Variants in SPDL1 observed in about 807,000 individuals in gnomAD.
SPDL1 encodes protein Spindly.
A neutral mutation model predicts 79.5 loss-of-function variants in SPDL1; 85 were observed. The ratio of observed to expected loss-of-function variants is 1.07; its 90% confidence interval spans 0.90 to 1.28. SPDL1 has a LOEUF of 1.28. Among genes scored for constraint, SPDL1 ranks in the 50% most tolerant of loss-of-function variants. The pLI, the probability that SPDL1 is intolerant of heterozygous loss-of-function variation, is 0.00. For synonymous variants in SPDL1, 269 were observed against 240.3 expected (o/e 1.12, Z -1.10); for missense variants, 703 against 697.8 (o/e 1.01, Z -0.08).
chr5:169,598,700 A>G, intron 9 of SPDL1, 121 bp downstream of exon 9: 15 of 1,017,782 alleles, frequency 1.5e-5, no homozygotes, highest in Non-Finnish European at 1.5e-5. Flanking sequence ...AAAGGTAACA[A>G]AAATATCTTT....
At chr5:169,585,874 A>C (rs1754962202) in intron 1 of SPDL1, 1 of 152,220 alleles carries the variant, frequency 6.6e-6, no homozygotes, top group Admixed American at 6.5e-5. Context: ...ATCTAAACTC[A>C]TATACTTTGC....
Position 169,588,546 on chromosome 5 carries a change from T to C in SPDL1, c.130T>C (p.Cys44Arg). ...QNELQNQLDK[C>R]RNEMMTMTES... The stretch of plus-strand genomic sequence containing the variant: ...TGAATTACAGAATCAATTGGATAAA[T>C]GTCGTAATGAAATGATGACCATGAC... Residue 44 changes from cysteine (C) to arginine (R), a missense_variant, in exon 2 of 12, where the codon TGT (cysteine) becomes CGT (arginine). Transcript: ENST00000265295. 6.2e-7 allele frequency: 1 copy of C among 1,613,346 alleles called. No individual in the cohort carries two copies. Among genetic ancestry groups the C allele is most frequent in the East Asian group, 2.2e-5 (1 of 44,860 alleles).
intron 2 of SPDL1, chr5:169,590,676 A>C: frequency 2.2e-6 from 1 of 457,280 alleles, no homozygotes; most frequent in South Asian, 1.5e-5. Context: ...CAGAGCTACA[A>C]GTAGAGCATC....
chr5:169,592,354 A>C (rs1755336056), intron 3 of SPDL1, among the ~76,000 whole-genome samples: 1 of 149,812 alleles, frequency 6.7e-6, no homozygotes, highest in South Asian at 2.1e-4. Context: ...AGTGGCTGGG[A>C]TTACAGGTGT....
rs1353348006 is a variant in SPDL1 at position 169,604,093 on chromosome 5, TAAAG to T, written c.1707_1710del (p.Gly571LysfsTer58). On this transcript the variant is annotated frameshift_variant, in exon 12 of 12. Coordinates refer to ENST00000265295, the MANE Select transcript of SPDL1 (RefSeq NM_017785.5). LOFTEE classifies it high-confidence loss of function. ...CTGAATCAAAGCTTCAAACAGAAGT[TAAAG>T]AAGGAAAAGAAACTTCAAGCAAATT... is the stretch of plus-strand genomic sequence containing the variant. The T allele has an allele frequency of 3.1e-6, 5 of 1,612,864 alleles. No individual in the cohort carries two copies. Among genetic ancestry groups the T allele is most frequent in the African/African-American group, 2.7e-5 (2 of 74,768 alleles).
At chr5:169,603,876 G>A (rs1042351984) in intron 11 of SPDL1, among the ~76,000 whole-genome samples, 184 bp from the exon 12 acceptor site, 1 of 152,076 alleles carries the variant, frequency 6.6e-6, no homozygotes, top group Admixed American at 6.5e-5. Flanking sequence ...AACAATAATT[G>A]AGCCTATTGA....
chr5:169,599,255 C>T, intron 10 of SPDL1, 96 bp downstream of exon 10: 1 of 1,047,044 alleles, frequency 9.6e-7, no homozygotes, highest in Non-Finnish European at 1.3e-6. Flanking sequence ...AACTCTATTA[C>T]AAACTCATTT....
In SPDL1 at chr5:169,593,345, T is replaced by TG. The variant is rs746015140; in HGVS notation, c.337-7dup. 1 of 1,560,394 alleles carries TG rather than the reference T, an allele frequency of 6.4e-7. No homozygotes were observed. ...TTTCAATTTATGACTTTTTTTTTTT[T>TG]GGCTTTAGATAGAAAAACTGAAAGT... On this transcript the variant is annotated splice_polypyrimidine_tract_variant and intron_variant, in intron 3 of 11. Coordinates refer to ENST00000265295, the MANE Select transcript of SPDL1 (RefSeq NM_017785.5).
Position 169,591,200 on chromosome 5 carries a change from G to A in SPDL1, c.312G>A (p.Gln104=), listed in dbSNP as rs1166710299. The part of the protein sequence containing the change: ...LEEQLSRSHG[Q]EVNELKTKIE... ...AACAACTAAGCAGAAGCCATGGACA[G>A]GAAGTGAATGAACTAAAAACTAAGG... The change falls in exon 3 of 12, where the codon CAG becomes CAA. Residue 104 remains glutamine (Q), a synonymous_variant. Transcript: ENST00000265295. 6.2e-7 allele frequency: 1 copy of A among 1,613,320 alleles called. No homozygotes were observed. Among genetic ancestry groups the A allele is most frequent in the South Asian group, 1.1e-5 (1 of 90,878 alleles).
chr5:169,594,512 C>G lies in SPDL1; in HGVS notation c.780+20C>G. 6.2e-7 allele frequency: 1 copy of G among 1,611,628 alleles called. No individual in the cohort carries two copies. The highest frequency in any genetic ancestry group is 8.5e-7 in the Non-Finnish European group (1 of 1,177,820). The stretch of plus-strand genomic sequence containing the variant: ...GCAGAGGTACTTATAAGTATCCTAA[C>G]TACTAAATTGGTATTTTCATTTACT... On this transcript the variant is annotated intron_variant, in intron 6 of 11. Transcript: ENST00000265295.
intron 1 of SPDL1, 57 bp from the exon 2 acceptor site, chr5:169,588,337 A>T (rs1408185823): frequency 8.3e-7 from 1 of 1,202,116 alleles, no homozygotes; most frequent in African/African-American, 1.5e-5. Context: ...TGTTATTGAT[A>T]TTATTGCATG....
rs758143100 is a variant in SPDL1, at chr5:169,596,717, A to G, written c.1032+16A>G. On this transcript the variant is annotated intron_variant, in intron 8 of 11. Coordinates refer to ENST00000265295, the MANE Select transcript of SPDL1 (RefSeq NM_017785.5). ...GAAATTTAAGGTATGTATAACAGTT[A>G]AAAAAACACACATCCAAATTTTGAT... 4 of 1,544,214 alleles carry G rather than the reference A, an allele frequency of 2.6e-6. No individual in the cohort carries two copies. Among genetic ancestry groups the G allele is most frequent in the African/African-American group, 2.9e-5 (2 of 70,120 alleles).
intron 1 of SPDL1, chr5:169,587,203 A>T (rs1755031227): frequency 6.6e-6 from 1 of 152,088 alleles, no homozygotes; most frequent in African/African-American, 2.4e-5. Flanking sequence ...TGTAAGTTTC[A>T]TGAGGGAGGA....
At chr5:169,603,220 T>A (rs1346414704) in intron 11 of SPDL1, among the ~76,000 whole-genome samples, 2 of 152,200 alleles carry the variant, frequency 1.3e-5, no homozygotes, top group Admixed American at 1.3e-4. Flanking sequence ...GAACAATAAA[T>A]ATGGCTTTTA....
At chr5:169,588,259 A>G in intron 1 of SPDL1, 135 bp from the exon 2 acceptor site, 1 of 557,336 alleles carries the variant, frequency 1.8e-6, no homozygotes, top group Non-Finnish European at 3.0e-6. Context: ...AAATTTGACT[A>G]CTTATTAGTC....
chr5:169,589,587 C>A (rs553339619), intron 2 of SPDL1, among the ~76,000 whole-genome samples: 7 of 151,838 alleles, frequency 4.6e-5, no homozygotes, highest in Admixed American at 1.3e-4. Context: ...TTGTTTACCC[C>A]TCACTGCTCT....
rs373694176 is a variant in SPDL1 at position 169,588,467 on chromosome 5, A to C, written c.51A>C (p.Glu17Asp). 5 of 1,613,952 alleles carry C rather than the reference A, an allele frequency of 3.1e-6. No individual in the cohort carries two copies. In the African/African-American group the frequency reaches 5.3e-5, roughly 17 times the overall value. The change falls in exon 2 of 12, where the codon GAA (glutamate) becomes GAC (aspartate). Residue 17 changes from glutamate to aspartate, a missense_variant. Physicochemically the swap from Glu to Asp is conservative, Grantham distance 45. Coordinates refer to ENST00000265295, the MANE Select transcript of SPDL1 (RefSeq NM_017785.5). ...TNLRCRLKEA[E>D]EERLKAAQYG... ...TTCGATGCAGGCTCAAAGAGGCTGA[A>C]GAAGAGCGACTAAAAGCTGCACAGT...
chr5:169,597,418 A>G lies in SPDL1; in HGVS notation c.1032+717A>G, dbSNP rs566801268. 3.3e-5 allele frequency among the ~76,000 whole-genome samples: 5 copies of G among 152,138 alleles called. 1 individual carries two copies. Among genetic ancestry groups the G allele is most frequent in the Admixed American group, 2.6e-4 (4 of 15,274 alleles). On this transcript the variant is annotated intron_variant, in intron 8 of 11. Coordinates refer to ENST00000265295, the MANE Select transcript of SPDL1 (RefSeq NM_017785.5). ...GAGTCTGTTTCTAAATTTTCTGTCT[A>G]CGCCATTGGTCTGCTTCTCTGTGTG...
intron 2 of SPDL1, among the ~76,000 whole-genome samples, chr5:169,589,037 A>G (rs1755135205): frequency 6.6e-6 from 1 of 152,154 alleles, no homozygotes; most frequent in African/African-American, 2.4e-5. Context: ...TAGCTTATTT[A>G]GTAAATATAA....
Sources: gnomAD v4.1 joint callset for allele counts (sites outside exome capture counted in the v4.1 genomes callset) on GRCh38, gnomAD v4.1.1 for gene constraint, MANE v1.5 for transcripts, NCBI Gene and HGNC (gene_info 2026-07-23, HGNC 2026-07-21) for gene names.